Variants in CDH20 observed in about 807,000 individuals in gnomAD.
CDH20 encodes cadherin-20.
CDH20 carries 29 observed loss-of-function variants against 74.2 expected under a neutral mutation model. That is an observed-to-expected ratio of 0.39 (90% CI 0.29 to 0.53). CDH20 has a LOEUF of 0.53. Among genes scored for constraint, CDH20 ranks in the 20% least tolerant of loss-of-function variants. The probability of loss-of-function intolerance (pLI) is 0.69; values close to 1 mark genes in which losing one functional copy is unlikely to be tolerated. For missense variants in CDH20, 988 were observed against 1,048.3 expected (o/e 0.94, Z 0.79); for synonymous variants, 469 against 405.4 (o/e 1.16, Z -1.88).
chr18:61,437,320 G>A (rs1489084581), intron 1 of CDH20, among the ~76,000 whole-genome samples: 1 of 152,164 alleles, frequency 6.6e-6, no homozygotes, highest in Non-Finnish European at 1.5e-5. Flanking sequence ...CCAAGCAAAT[G>A]TAATTTGTGA....
At chr18:61,364,098 A>G (rs1360379066) in intron 1 of CDH20, among the ~76,000 whole-genome samples, 1 of 152,084 alleles carries the variant, frequency 6.6e-6, no homozygotes, top group East Asian at 1.9e-4. Context: ...AACTCCCTGG[A>G]TTATATGTGT....
intron 1 of CDH20, chr18:61,405,240 G>A: frequency 2.6e-6 from 1 of 377,496 alleles, no homozygotes; most frequent in South Asian, 2.3e-5. Flanking sequence ...CCCCCAACCA[G>A]GAGCTGCTGC....
chr18:61,494,288 A>T (rs147217455), intron 2 of CDH20, among the ~76,000 whole-genome samples: 233 of 152,264 alleles, frequency 1.5e-3, no homozygotes, highest in African/African-American at 5.2e-3. Context: ...GGGATCAGGA[A>T]TCTGAGCCAG....
chr18:61,453,438 C>T (rs1487974047), intron 1 of CDH20, among the ~76,000 whole-genome samples: 1 of 152,098 alleles, frequency 6.6e-6, no homozygotes, highest in African/African-American at 2.4e-5. Flanking sequence ...CCACCGTGCC[C>T]AGCTAATCTT....
chr18:61,358,489 T>C (rs976779604), intron 1 of CDH20, among the ~76,000 whole-genome samples: 1 of 152,214 alleles, frequency 6.6e-6, no homozygotes, highest in Non-Finnish European at 1.5e-5. Context: ...TATGTGCTTC[T>C]CTTCTACCCC....
intron 1 of CDH20, among the ~76,000 whole-genome samples, chr18:61,488,672 C>T (rs1910852449): frequency 6.6e-6 from 1 of 151,954 alleles, no homozygotes; most frequent in Non-Finnish European, 1.5e-5. Flanking sequence ...CAGAATATTG[C>T]TTTTATGGTT....
intron 1 of CDH20, among the ~76,000 whole-genome samples, chr18:61,485,043 A>T (rs1910710764): frequency 6.6e-6 from 1 of 152,294 alleles, no homozygotes; most frequent in Admixed American, 6.5e-5. Flanking sequence ...TAGCCTCAGG[A>T]GTGCCACCAT....
intron 1 of CDH20, among the ~76,000 whole-genome samples, chr18:61,454,643 C>T (rs1909511119): frequency 6.6e-6 from 1 of 152,194 alleles, no homozygotes; most frequent in Admixed American, 6.5e-5. Context: ...ACTAGGACCA[C>T]TTGCTAATCA....
chr18:61,384,619 T>C (rs1911536169), intron 1 of CDH20, among the ~76,000 whole-genome samples: 1 of 152,210 alleles, frequency 6.6e-6, no homozygotes, highest in African/African-American at 2.4e-5. Flanking sequence ...TTCAAGGAGA[T>C]ACTGATTTTA....
At chr18:61,493,730 C>T (rs193180913) in intron 2 of CDH20, among the ~76,000 whole-genome samples, 1 of 152,336 alleles carries the variant, frequency 6.6e-6, no homozygotes, top group Non-Finnish European at 1.5e-5. Flanking sequence ...CTCAGAATTC[C>T]AAAGACTTCT....
At chr18:61,414,281 C>G (rs1912612899) in intron 1 of CDH20, among the ~76,000 whole-genome samples, 1 of 152,102 alleles carries the variant, frequency 6.6e-6, no homozygotes, top group Non-Finnish European at 1.5e-5. Flanking sequence ...TATAAGATCT[C>G]AGAGTCTTGT....
At chr18:61,524,385 T>C (rs932143538) in intron 6 of CDH20, among the ~76,000 whole-genome samples, 7 of 152,172 alleles carry the variant, frequency 4.6e-5, no homozygotes, top group Non-Finnish European at 8.8e-5. Flanking sequence ...GAAAATTCAT[T>C]TGGAAGTTTC....
intron 1 of CDH20, among the ~76,000 whole-genome samples, chr18:61,432,557 A>G (rs571425104): frequency 6.6e-6 from 1 of 152,264 alleles, no homozygotes; most frequent in South Asian, 2.1e-4. Context: ...TAAACCTTCC[A>G]CAGTTGAAAG....
At chr18:61,538,614 GTTTTT>G (rs1912908158) in intron 8 of CDH20, among the ~76,000 whole-genome samples, 1 of 57,550 alleles carries the variant, frequency 1.7e-5, no homozygotes, top group African/African-American at 5.3e-5. Context: ...TTTTGTTTTT[GTTTTT>G]GTTTTGTTTT....
chr18:61,343,732 C>A (rs1324846475), intron 1 of CDH20, among the ~76,000 whole-genome samples: 1 of 152,146 alleles, frequency 6.6e-6, no homozygotes, highest in Non-Finnish European at 1.5e-5. Flanking sequence ...AGAGGGAGCA[C>A]AATAATCCTC....
intron 1 of CDH20, among the ~76,000 whole-genome samples, chr18:61,413,925 A>G (rs1398625255): frequency 6.6e-6 from 1 of 152,196 alleles, no homozygotes; most frequent in Non-Finnish European, 1.5e-5. Context: ...TGCAGTATGC[A>G]TTAAAAAATT....
chr18:61,428,425 A>T (rs1274827097), intron 1 of CDH20, among the ~76,000 whole-genome samples: 1 of 151,966 alleles, frequency 6.6e-6, no homozygotes, highest in Non-Finnish European at 1.5e-5. Context: ...TTCTCCTTTG[A>T]TCTGGTTCAT....
At chr18:61,520,642 T>C (rs1379567668) in intron 6 of CDH20, among the ~76,000 whole-genome samples, 2 of 150,972 alleles carry the variant, frequency 1.3e-5, no homozygotes, top group Non-Finnish European at 2.9e-5. Context: ...TATACATTCT[T>C]CTCAGCACGA....
At chr18:61,423,406 C>T (rs935258112) in intron 1 of CDH20, among the ~76,000 whole-genome samples, 1 of 152,136 alleles carries the variant, frequency 6.6e-6, no homozygotes, top group African/African-American at 2.4e-5. Context: ...ACTCACTTAT[C>T]TGAGAGTCAT....
Sources: gnomAD v4.1 joint callset for allele counts (sites outside exome capture counted in the v4.1 genomes callset) on GRCh38, gnomAD v4.1.1 for gene constraint, MANE v1.5 for transcripts, NCBI Gene and HGNC (gene_info 2026-07-23, HGNC 2026-07-21) for gene names.